ENTHD1: variants seen among roughly 807,000 people sequenced by gnomAD.
ENTHD1 encodes the protein ENTH domain-containing protein 1.
A neutral mutation model predicts 39.1 loss-of-function variants in ENTHD1; 23 were observed. The observed-to-expected ratio is 0.59, with a 90% CI of 0.42 to 0.83. ENTHD1 has a LOEUF of 0.83. ENTHD1 is among the 40% of genes least tolerant of loss of function. The pLI, the probability that ENTHD1 is intolerant of heterozygous loss-of-function variation, is 0.00. For missense variants in ENTHD1, 624 were observed against 705.4 expected, an observed-to-expected ratio of 0.88 and a Z score of 1.31; for synonymous variants, 230 against 258.2, an observed-to-expected ratio of 0.89 and a Z score of 1.05.
chr22:39,890,912 A>G (rs2066421683), intron 1 of ENTHD1, among the ~76,000 whole-genome samples: 1 of 152,244 alleles, frequency 6.6e-6, no homozygotes, highest in Non-Finnish European at 1.5e-5. Context: ...AGCTCAATTA[A>G]TTGGTGTTAG....
At chr22:39,773,323 C>A (rs1034132315) in intron 5 of ENTHD1, among the ~76,000 whole-genome samples, 1 of 152,064 alleles carries the variant, frequency 6.6e-6, no homozygotes, top group South Asian at 2.1e-4. Context: ...GCAGAAAACA[C>A]ATTTTCTTTG....
chr22:39,802,126 T>C (rs1406473103), intron 5 of ENTHD1, among the ~76,000 whole-genome samples: 1 of 152,182 alleles, frequency 6.6e-6, no homozygotes, highest in South Asian at 2.1e-4. Flanking sequence ...CCTTTCTCAG[T>C]AAATAGAACT....
intron 5 of ENTHD1, among the ~76,000 whole-genome samples, chr22:39,786,561 C>T (rs1469823391): frequency 6.6e-6 from 1 of 152,172 alleles, no homozygotes; most frequent in Non-Finnish European, 1.5e-5. Context: ...TCCATATTTT[C>T]TCTCTCTTTG....
At chr22:39,846,797 T>G (rs1448212505) in intron 3 of ENTHD1, among the ~76,000 whole-genome samples, 1 of 152,078 alleles carries the variant, frequency 6.6e-6, no homozygotes, top group Non-Finnish European at 1.5e-5. Flanking sequence ...GAAAAAATGC[T>G]CATCATCACT....
At chr22:39,833,934 A>T (rs2146673215) in intron 4 of ENTHD1, among the ~76,000 whole-genome samples, 1 of 100,050 alleles carries the variant, frequency 1.0e-5, no homozygotes, top group East Asian at 2.7e-4. Flanking sequence ...AACTGGATAT[A>T]CTTGGGCAAA....
intron 2 of ENTHD1, chr22:39,876,010 G>C: frequency 6.2e-7 from 1 of 1,613,908 alleles, no homozygotes; most frequent in Non-Finnish European, 8.5e-7. Context: ...CTTGCCATGG[G>C]TCACACTATG....
At chr22:39,814,330 T>C (rs1227517147) in intron 5 of ENTHD1, among the ~76,000 whole-genome samples, 5 of 141,572 alleles carry the variant, frequency 3.5e-5, no homozygotes, top group Non-Finnish European at 7.7e-5. Flanking sequence ...TGTGGTGGTG[T>C]GAGCCTGTAG....
At chr22:39,815,315 C>T (rs1311296019) in intron 5 of ENTHD1, among the ~76,000 whole-genome samples, 6 of 151,886 alleles carry the variant, frequency 4.0e-5, no homozygotes, top group African/African-American at 7.2e-5. Context: ...TGGTGGTGCG[C>T]GCCTATAATC....
chr22:39,858,666 CTG>C (rs760441406), intron 3 of ENTHD1, among the ~76,000 whole-genome samples: 2 of 152,192 alleles, frequency 1.3e-5, no homozygotes, highest in Non-Finnish European at 2.9e-5. Context: ...AGAATAAACA[CTG>C]TGTTTTAGCA....
chr22:39,878,744 G>T (rs1357067426), intron 2 of ENTHD1, among the ~76,000 whole-genome samples: 1 of 151,856 alleles, frequency 6.6e-6, no homozygotes, highest in Non-Finnish European at 1.5e-5. Flanking sequence ...TCTGCATAAA[G>T]AAATGAACTG....
chr22:39,840,574 TA>T (rs1351043888), intron 3 of ENTHD1, among the ~76,000 whole-genome samples: 2 of 152,032 alleles, frequency 1.3e-5, no homozygotes, highest in African/African-American at 4.8e-5. Flanking sequence ...ATAATTTGCT[TA>T]AAAAATTAAT....
chr22:39,810,806 C>T (rs6001686), intron 5 of ENTHD1, among the ~76,000 whole-genome samples: 1 of 152,054 alleles, frequency 6.6e-6, no homozygotes, highest in African/African-American at 2.4e-5. Flanking sequence ...TCAACCTAGA[C>T]ACTTTCCTAA....
At chr22:39,781,667 G>A (rs1449145529) in intron 5 of ENTHD1, among the ~76,000 whole-genome samples, 1 of 151,578 alleles carries the variant, frequency 6.6e-6, no homozygotes, top group Non-Finnish European at 1.5e-5. Flanking sequence ...AGATCAGAGA[G>A]AACTAAACAA....
chr22:39,755,145 G>A (rs1320685301), intron 6 of ENTHD1, among the ~76,000 whole-genome samples: 2 of 152,172 alleles, frequency 1.3e-5, no homozygotes, highest in African/African-American at 4.8e-5. Flanking sequence ...CAGTTGGGAA[G>A]AAATATTAAT....
At chr22:39,748,064 C>T (rs922914278) in intron 6 of ENTHD1, among the ~76,000 whole-genome samples, 1 of 152,014 alleles carries the variant, frequency 6.6e-6, no homozygotes, top group African/African-American at 2.4e-5. Context: ...GCCTGAGCAA[C>T]ATGGCGAAAC....
chr22:39,784,543 T>TACACAC (rs3044403), intron 5 of ENTHD1, among the ~76,000 whole-genome samples: 5,768 of 142,306 alleles, frequency 0.041, 118 homozygotes, highest in Middle Eastern at 0.07. Flanking sequence ...TCTCTCTGTA[T>TACACAC]ACACACACAC....
intron 5 of ENTHD1, among the ~76,000 whole-genome samples, chr22:39,815,437 C>T (rs2065725822): frequency 6.6e-6 from 1 of 150,972 alleles, no homozygotes; most frequent in Non-Finnish European, 1.5e-5. Flanking sequence ...GAGTGAAACT[C>T]CGTCTCAAAA....
intron 2 of ENTHD1, chr22:39,875,867 T>C: frequency 8.7e-6 from 14 of 1,613,986 alleles, no homozygotes; most frequent in Non-Finnish European, 1.2e-5. Context: ...AGTTGAATTA[T>C]CACAGTTGAG....
intron 3 of ENTHD1, among the ~76,000 whole-genome samples, chr22:39,838,223 G>A (rs1265981351): frequency 1.3e-5 from 2 of 152,068 alleles, no homozygotes; most frequent in African/African-American, 4.8e-5. Flanking sequence ...ATTTTAGTAT[G>A]AATTTTTTTG....
Sources: allele counts gnomAD v4.1 joint callset (sites outside exome capture counted in the v4.1 genomes callset), GRCh38; gene constraint gnomAD v4.1.1; transcripts MANE v1.5; gene names NCBI Gene and HGNC (gene_info 2026-07-23, HGNC 2026-07-21).